The following KIF15 variants were observed in gnomAD, a reference collection of about 807,000 sequenced individuals.
The protein encoded by KIF15 is kinesin family member 15, also known as kinesin-like protein KIF15.
In KIF15, 140 loss-of-function variants were observed where a neutral mutation model predicts 190.6. The observed-to-expected ratio is 0.73, with a 90% CI of 0.64 to 0.84. KIF15 has a LOEUF of 0.84. Ranked by LOEUF, KIF15 falls within the 40% of genes least tolerant of loss-of-function variation. The pLI is 0.00. For synonymous variants in KIF15, 528 were observed against 551.3 expected (o/e 0.96, Z 0.59); for missense variants, 1,372 against 1,584.4 (o/e 0.87, Z 2.28).
chr3:44,788,805 T>C (rs1354569808), intron 7 of KIF15, among the ~76,000 whole-genome samples: 1 of 152,214 alleles, frequency 6.6e-6, no homozygotes, highest in African/African-American at 2.4e-5. Flanking sequence ...TATTTGTGCC[T>C]GGGATGACTT....
At chr3:44,826,862 C>T in intron 22 of KIF15, 1 of 281,968 alleles carries the variant, frequency 3.5e-6, no homozygotes, top group East Asian at 8.9e-5. Flanking sequence ...TCCCTCTTTC[C>T]AGGTTCCTCT....
downstream of KIF15, among the ~76,000 whole-genome samples, chr3:44,857,456 C>T (rs192850882): frequency 2.0e-5 from 3 of 152,254 alleles, no homozygotes; most frequent in East Asian, 3.9e-4. Context: ...GGCTATGGGG[C>T]GCGGTCCTGG....
At chr3:44,858,315 A>G (rs1446015078) in intron 6 of KIF15, among the ~76,000 whole-genome samples, 1 of 152,186 alleles carries the variant, frequency 6.6e-6, no homozygotes, top group African/African-American at 2.4e-5. Context: ...TTGAATAGGT[A>G]AAATGGGAGA....
At chr3:44,839,787 T>C (rs555179430) in intron 27 of KIF15, among the ~76,000 whole-genome samples, 1 of 152,370 alleles carries the variant, frequency 6.6e-6, no homozygotes, top group African/African-American at 2.4e-5. Flanking sequence ...TTTGTCTTTC[T>C]GTGCTGGCTT....
At chr3:44,791,967 C>T (rs1049329499) in intron 7 of KIF15, among the ~76,000 whole-genome samples, 7 of 151,816 alleles carry the variant, frequency 4.6e-5, no homozygotes, top group Admixed American at 3.3e-4. Flanking sequence ...AATCCACCTG[C>T]CTTGGCCTCC....
At chr3:44,814,116 G>A (rs1386119539) in intron 19 of KIF15, among the ~76,000 whole-genome samples, 1 of 152,140 alleles carries the variant, frequency 6.6e-6, no homozygotes, top group Non-Finnish European at 1.5e-5. Context: ...AACAAAAAGA[G>A]ATAGCCATTC....
intron 6 of KIF15, chr3:44,862,607 G>A (rs987140463): frequency 6.6e-6 from 1 of 152,434 alleles, no homozygotes; most frequent in Non-Finnish European, 1.5e-5. Flanking sequence ...CCACTACCAG[G>A]AAAATTGGGA....
At chr3:44,862,149 G>C in intron 6 of KIF15, 1 of 1,062,194 alleles carries the variant, frequency 9.4e-7, no homozygotes, top group East Asian at 4.1e-5. Context: ...TGCTGCTGCT[G>C]CGGGCGGGCG....
chr3:44,800,883 A>G (rs1484341466), intron 11 of KIF15, among the ~76,000 whole-genome samples: 2 of 151,924 alleles, frequency 1.3e-5, no homozygotes, highest in African/African-American at 4.8e-5. Context: ...ATCTACTTCT[A>G]CTTCTGTTAC....
At chr3:44,787,937 C>G (rs1004459208) in intron 7 of KIF15, among the ~76,000 whole-genome samples, 1 of 152,104 alleles carries the variant, frequency 6.6e-6, no homozygotes, top group Admixed American at 6.5e-5. Flanking sequence ...TCACTGCAAC[C>G]TCCGCCTCCT....
At chr3:44,799,206 G>A in intron 10 of KIF15, 1 of 456,120 alleles carries the variant, frequency 2.2e-6, no homozygotes, top group Non-Finnish European at 4.4e-6. Context: ...TAATGAGGCT[G>A]GCCATAAGAA....
intron 24 of KIF15, among the ~76,000 whole-genome samples, 186 bp from the exon 25 acceptor site, chr3:44,829,785 A>T (rs1224936186): frequency 1.5e-5 from 2 of 137,792 alleles, no homozygotes; most frequent in African/African-American, 2.9e-5. Context: ...GTATATATAT[A>T]ATATATGCAT....
intron 23 of KIF15, among the ~76,000 whole-genome samples, 166 bp downstream of exon 23, chr3:44,827,694 T>C (rs1000565680): frequency 1.1e-4 from 17 of 152,156 alleles, no homozygotes; most frequent in African/African-American, 3.9e-4. Flanking sequence ...TTTTTTCTTC[T>C]TTTTTTAAGA....
intron 6 of KIF15, chr3:44,861,842 G>A: frequency 7.2e-7 from 1 of 1,392,198 alleles, no homozygotes; most frequent in Non-Finnish European, 9.7e-7. Context: ...CAGGAGCGTC[G>A]CGTCACGTGA....
intron 34 of KIF15, 86 bp downstream of exon 34, chr3:44,852,425 A>G: frequency 1.5e-6 from 2 of 1,310,206 alleles, no homozygotes; most frequent in Non-Finnish European, 2.1e-6. Flanking sequence ...TAATTATTGA[A>G]TCAGTTAACT....
intron 4 of KIF15, among the ~76,000 whole-genome samples, chr3:44,780,064 C>A (rs1323039269): frequency 1.5e-5 from 2 of 136,240 alleles, no homozygotes; most frequent in Non-Finnish European, 3.1e-5. Context: ...CTTTAAAATA[C>A]AACTTTTTTT....
intron 20 of KIF15, among the ~76,000 whole-genome samples, chr3:44,822,922 G>GT (rs1184961628): frequency 9.2e-5 from 14 of 152,014 alleles, no homozygotes; most frequent in Admixed American, 6.6e-4. Flanking sequence ...TTTTTTCAAG[G>GT]TTTTTAGCTT....
intron 30 of KIF15, among the ~76,000 whole-genome samples, chr3:44,844,453 T>C (rs1382125898): frequency 6.6e-6 from 1 of 152,222 alleles, no homozygotes; most frequent in African/African-American, 2.4e-5. Context: ...ATATGTCCAA[T>C]TCTATTAAAG....
Position 44,800,365 on chromosome 3 carries a change from G to A in KIF15, c.1150G>A (p.Val384Met). Reference protein sequence around the residue: ...QGNVSQLQAEVKRLKEQLAEL... With the variant: ...QGNVSQLQAEMKRLKEQLAEL... The stretch of plus-strand genomic sequence containing the variant: ...AAATGTGAGCCAGCTCCAAGCTGAA[G>A]TGAAGAGGCTCAAAGAACAACTGGC... Residue 384 changes from valine (V) to methionine (M), a missense_variant, in exon 11 of 35, where the codon GTG becomes ATG. By Grantham distance (21) the Val-to-Met change is conservative. Transcript: ENST00000326047. The A allele has an allele frequency of 6.2e-7, 1 of 1,614,198 alleles. No individual in the cohort carries two copies. Among genetic ancestry groups the A allele is most frequent in the African/African-American group, 1.3e-5 (1 of 75,054 alleles).
Sources: gnomAD v4.1 joint callset for allele counts (sites outside exome capture counted in the v4.1 genomes callset) on GRCh38, gnomAD v4.1.1 for gene constraint, MANE v1.5 for transcripts, NCBI Gene and HGNC (gene_info 2026-07-23, HGNC 2026-07-21) for gene names.